Variants in CDKL5 observed in about 807,000 individuals in gnomAD.
CDKL5 encodes the protein cyclin-dependent kinase-like 5.
In CDKL5, 8 loss-of-function variants were observed where a neutral mutation model predicts 61.7. The ratio of observed to expected loss-of-function variants is 0.13; its 90% CI spans 0.08 to 0.23. CDKL5 has a LOEUF of 0.23. Ranked by LOEUF, CDKL5 falls within the 10% of genes least tolerant of loss-of-function variation. The pLI, the probability that CDKL5 is intolerant of heterozygous loss-of-function variation, is 1.00. For synonymous variants in CDKL5, 275 were observed against 272.3 expected, an observed-to-expected ratio of 1.01 and a Z score of -0.10; for missense variants, 440 against 734.5, an observed-to-expected ratio of 0.60 and a Z score of 4.63.
In CDKL5 at chrX:18,580,031, CAT is replaced by C. The variant is rs779512573; in HGVS notation, c.403+64_403+65del. On this transcript the variant is annotated intron_variant, in intron 6 of 17. Coordinates refer to ENST00000623535, the MANE Select transcript of CDKL5 (RefSeq NM_001323289.2). ...ATCAAATAAAGTTAAGAGTATTTCA[CAT>C]GTTACTGTCTTTAAGAATATTTTCA... The C allele has an allele frequency of 2.4e-4, 222 of 933,406 alleles. No individual in the cohort carries two copies. In the African/African-American group the frequency reaches 3.6e-3, roughly 15 times the overall value. 76.9% of individuals were successfully genotyped at this position (933,406 alleles called of 1,213,427 possible).
Position 18,636,390 on chromosome X carries a change from A to G in CDKL5, c.*7633A>G, listed in dbSNP as rs1417665271. 9.4e-6 allele frequency: 1 copy of G among 105,886 alleles called. No individual in the cohort carries two copies. The highest frequency in any genetic ancestry group is 3.4e-5 in the African/African-American group (1 of 29,358). The allele number at this position is 105,886 out of a possible 1,213,427, so 8.7% of individuals were successfully genotyped here. A position where few individuals can be genotyped will look rare whatever the true frequency, so the allele number is the denominator to read the frequency against. ...TATTATTATTATTATTATTTTCACA[A>G]CAACCCAGCGAAACAGGTACTATTA... is the stretch of plus-strand genomic sequence containing the variant. On this transcript the variant is annotated 3_prime_UTR_variant, in exon 18 of 18. Coordinates refer to ENST00000623535, the MANE Select transcript of CDKL5 (RefSeq NM_001323289.2).
At position 18,584,339 on chromosome X, in the gene CDKL5, A is replaced by G; in HGVS notation, c.540A>G (p.Pro180=). 1 of 1,180,502 alleles carries G rather than the reference A, an allele frequency of 8.5e-7. No homozygotes were observed. Among genetic ancestry groups the G allele is most frequent in the African/African-American group, 1.7e-5 (1 of 57,297 alleles). ...TTGCCACCAGATGGTATCGGTCCCCAGAACTCTTACTTGGGTGAGTTACCG... is the reference window on the plus strand; with the variant it reads ...TTGCCACCAGATGGTATCGGTCCCCGGAACTCTTACTTGGGTGAGTTACCG... ...EYVATRWYRS[P]ELLLGAPYGK... Residue 180 remains proline (P), a synonymous_variant, in exon 8 of 18, where the codon CCA becomes CCG. Transcript: ENST00000623535.
At chrX:18,487,916 G>A (rs186150390) in intron 1 of CDKL5, among the ~76,000 whole-genome samples, 4 of 110,932 alleles carry the variant, frequency 3.6e-5, no homozygotes, top group Admixed American at 2.9e-4. Context: ...ACTCCGTCTC[G>A]GGGGAAGAAA....
intron 1 of CDKL5, among the ~76,000 whole-genome samples, chrX:18,447,234 C>G (rs1931901819): frequency 9.0e-6 from 1 of 111,227 alleles, no homozygotes; most frequent in African/African-American, 3.3e-5. Flanking sequence ...TCCACAATGT[C>G]AGTAGTGCCT....
In CDKL5 at chrX:18,548,445, T is replaced by C. The variant is rs531852143; in HGVS notation, c.100-16032T>C. On this transcript the variant is annotated intron_variant, in intron 3 of 17. Transcript: ENST00000623535. ...TGTATAATAAGATATGAGGAGTTAT[T>C]ACAAGCTTAACTAGATGCTTTGAAA... 2.8e-4 allele frequency among the ~76,000 whole-genome samples: 31 copies of C among 112,230 alleles called. No individual in the cohort carries two copies. The South Asian group carries it at 0.011, about 41-fold the overall frequency.
In CDKL5 at chrX:18,546,407, G is replaced by A. The variant is rs1168637764; in HGVS notation, c.100-18070G>A. On this transcript the variant is annotated intron_variant, in intron 3 of 17. Transcript: ENST00000623535. Reference sequence around the variant, plus strand: ...CTCCCTAGTAGCTGGGATTACAGGCGCCCGCCACCACACCTGGCTAATTTT... The same window carrying A: ...CTCCCTAGTAGCTGGGATTACAGGCACCCGCCACCACACCTGGCTAATTTT... Among the ~76,000 whole-genome samples the A allele has an allele frequency of 1.2e-4, 13 of 108,349 alleles. No homozygotes were observed. The Admixed American group carries it at 1.3e-3, about 11-fold the overall frequency. 94.1% of individuals were successfully genotyped at this position (108,349 alleles called of 115,157 possible).
At chrX:18,465,593 C>T (rs770670441) in intron 1 of CDKL5, among the ~76,000 whole-genome samples, 3 of 111,222 alleles carry the variant, frequency 2.7e-5, no homozygotes, top group Non-Finnish European at 5.7e-5. Flanking sequence ...CCCTTGAATC[C>T]GGGAAGGGGA....
intron 20 of CDKL5, among the ~76,000 whole-genome samples, chrX:18,648,987 G>C (rs779545294): frequency 3.0e-4 from 31 of 105,002 alleles, no homozygotes; most frequent in Non-Finnish European, 4.9e-4. Flanking sequence ...GTCTGTGGCT[G>C]CAGTGAGCCA....
At chrX:18,476,860 G>A (rs1329880406) in intron 1 of CDKL5, among the ~76,000 whole-genome samples, 19 of 110,672 alleles carry the variant, frequency 1.7e-4, no homozygotes, top group Non-Finnish European at 3.2e-4. Context: ...TCTGCCTCCC[G>A]GGTTCAAGCG....
At position 18,633,903 on chromosome X, in the gene CDKL5, C is replaced by T; in HGVS notation, c.*5146C>T. ...GGCTATTAAATATGATCATGACCCGCCTTGCATTTTCATTCATCACCTGTT... is the reference window on the plus strand; with the variant it reads ...GGCTATTAAATATGATCATGACCCGTCTTGCATTTTCATTCATCACCTGTT... On this transcript the variant is annotated 3_prime_UTR_variant, in exon 18 of 18. Transcript: ENST00000623535. 1.3e-6 allele frequency: 1 copy of T among 753,957 alleles called. No individual in the cohort carries two copies. Among genetic ancestry groups the T allele is most frequent in the Non-Finnish European group, 1.6e-6 (1 of 639,245 alleles). The allele number at this position is 753,957 out of a possible 1,213,427, so 62.1% of individuals were successfully genotyped here. A position where few individuals can be genotyped will look rare whatever the true frequency, so the allele number is the denominator to read the frequency against.
At chrX:18,433,427 A>G (rs1392810004) in intron 1 of CDKL5, among the ~76,000 whole-genome samples, 11 of 110,968 alleles carry the variant, frequency 9.9e-5, no homozygotes, top group East Asian at 2.8e-4. Flanking sequence ...GCGCATGCCT[A>G]TAATCCCAGC....
At chrX:18,436,010 A>G (rs1931601786) in intron 1 of CDKL5, among the ~76,000 whole-genome samples, 1 of 111,728 alleles carries the variant, frequency 9.0e-6, no homozygotes, top group South Asian at 3.7e-4. Flanking sequence ...CTTAACTACT[A>G]AAATGGCCTA....
chrX:18,475,170 G>T (rs1171277601), intron 1 of CDKL5, among the ~76,000 whole-genome samples: 1 of 110,937 alleles, frequency 9.0e-6, no homozygotes, highest in African/African-American at 3.3e-5. Context: ...TGTTGGCCAG[G>T]CTGGCCTCAA....
At chrX:18,433,247 A>AAAAG (rs909295737) in intron 1 of CDKL5, among the ~76,000 whole-genome samples, 3 of 105,107 alleles carry the variant, frequency 2.9e-5, no homozygotes, top group Non-Finnish European at 5.8e-5. Flanking sequence ...AAAAGAAAAG[A>AAAAG]AAAGAAAAAA....
intron 8 of CDKL5, 95 bp from the exon 9 acceptor site, chrX:18,587,859 G>A: frequency 7.4e-6 from 6 of 805,659 alleles, no homozygotes; most frequent in Non-Finnish European, 1.1e-5. Context: ...AAATATACAA[G>A]TGTGCTGCAC....
At chrX:18,533,160 G>A (rs2147110562) in intron 3 of CDKL5, among the ~76,000 whole-genome samples, 1 of 112,038 alleles carries the variant, frequency 8.9e-6, no homozygotes, top group East Asian at 2.8e-4. Flanking sequence ...AAAGGATTTG[G>A]TTGAAAATAA....
intron 3 of CDKL5, among the ~76,000 whole-genome samples, chrX:18,540,555 T>C (rs1252034166): frequency 8.9e-6 from 1 of 112,076 alleles, no homozygotes; most frequent in African/African-American, 3.2e-5. Flanking sequence ...TTCTCTTTGT[T>C]TTCCTTCATC....
chrX:18,606,587 G>T (rs1248389321), intron 12 of CDKL5, among the ~76,000 whole-genome samples: 1 of 112,466 alleles, frequency 8.9e-6, no homozygotes, highest in South Asian at 3.7e-4. Context: ...GACAGTCCAA[G>T]TTGTGAGTTG....
intron 4 of CDKL5, among the ~76,000 whole-genome samples, chrX:18,568,965 G>A (rs1343408870): frequency 9.0e-6 from 1 of 111,493 alleles, no homozygotes; most frequent in East Asian, 2.8e-4. Flanking sequence ...AAAATGCTGC[G>A]ATTACAGGCA....
Sources: gnomAD v4.1 joint callset for allele counts (sites outside exome capture counted in the v4.1 genomes callset) on GRCh38, gnomAD v4.1.1 for gene constraint, MANE v1.5 for transcripts, NCBI Gene and HGNC (gene_info 2026-07-23, HGNC 2026-07-21) for gene names.